Variants in PHIP observed in about 807,000 individuals in gnomAD.
PHIP encodes PH-interacting protein.
A neutral mutation model predicts 236.8 loss-of-function variants in PHIP; 54 were observed. The observed-to-expected ratio is 0.23, with a 90% CI of 0.18 to 0.29. PHIP has a LOEUF of 0.29. Ranked by LOEUF, PHIP falls within the 10% of genes least tolerant of loss-of-function variation. PHIP has a pLI of 1.00. For synonymous variants in PHIP, 756 were observed against 718.9 expected (o/e 1.05, Z -0.83); for missense variants, 1,370 against 2,190.8 (o/e 0.63, Z 7.48).
chr6:79,073,482 A>C (rs565277851), intron 4 of PHIP, among the ~76,000 whole-genome samples: 8 of 152,312 alleles, frequency 5.3e-5, no homozygotes, highest in South Asian at 4.1e-4. Context: ...ACCCAACCCC[A>C]AAAAATTATA....
chr6:79,073,034 C>CGATTTT (rs1421351525), intron 4 of PHIP, among the ~76,000 whole-genome samples: 1 of 152,144 alleles, frequency 6.6e-6, no homozygotes, highest in Non-Finnish European at 1.5e-5. Context: ...GGAAAACAGA[C>CGATTTT]TCCCTCAATA....
At chr6:79,021,274 G>C (rs904014214) in intron 9 of PHIP, among the ~76,000 whole-genome samples, 1 of 152,194 alleles carries the variant, frequency 6.6e-6, no homozygotes, top group East Asian at 1.9e-4. Flanking sequence ...AGCCTCCCAA[G>C]TAGCTGGGAT....
Position 78,963,271 on chromosome 6 carries a change from T to A in PHIP, c.3380-19A>T, listed in dbSNP as rs757957897. ...AATACAGCTGAAATAGAAAAGCAGA[T>A]CATTGCAAATACATGGTAACTTATT... On this transcript the variant is annotated intron_variant, in intron 29 of 39. Transcript: ENST00000275034. The A allele has an allele frequency of 1.5e-5, 24 of 1,586,264 alleles. No homozygotes were observed. The highest frequency in any genetic ancestry group is 2.1e-5 in the Non-Finnish European group (24 of 1,167,816).
At chr6:78,960,061 G>T (rs1766676528) in intron 31 of PHIP, among the ~76,000 whole-genome samples, 1 of 152,078 alleles carries the variant, frequency 6.6e-6, no homozygotes, top group African/African-American at 2.4e-5. Flanking sequence ...GTAGCTCACT[G>T]ACATCGCTCA....
chr6:78,943,776 C>T (rs1183982801), intron 39 of PHIP, among the ~76,000 whole-genome samples: 1 of 151,646 alleles, frequency 6.6e-6, no homozygotes, highest in African/African-American at 2.4e-5. Flanking sequence ...CACCAGAGGC[C>T]AGAAGTTTGA....
rs1233341685 is a variant in PHIP, at chr6:79,042,982, T to C, written c.461A>G (p.Lys154Arg). 10 of 1,609,214 alleles carry C rather than the reference T, an allele frequency of 6.2e-6. No individual in the cohort carries two copies. The highest frequency in any genetic ancestry group is 1.3e-5 in the African/African-American group (1 of 74,694). The change falls in exon 7 of 40, where the codon AAG (lysine) becomes AGG (arginine). Residue 154 changes from lysine (K) to arginine (R), a missense_variant. By Grantham distance (26) the Lys-to-Arg change is conservative. Around this residue, in one of 14 missense-constraint regions of PHIP, gnomAD observed 82 missense variants for 203.2 expected, o/e 0.40. Transcript: ENST00000275034. Reference protein sequence around the residue: ...PSIADTLFSRKLNGKYRLERL... With the variant: ...PSIADTLFSRRLNGKYRLERL... Reference sequence around the variant, plus strand: ...CTCAAGTCTGTATTTCCCATTCAGCTTCCTTGAAAACAGAGTATCCGCTAC... The same window carrying C: ...CTCAAGTCTGTATTTCCCATTCAGCCTCCTTGAAAACAGAGTATCCGCTAC...
chr6:78,940,091 G>C lies in PHIP; in HGVS notation c.*602C>G, dbSNP rs994968282. ...CATTTTCTCTTGTTTGGCAGAAATG[G>C]AATAAAGCAAAAGCCTCCTCTAGAT... is the stretch of plus-strand genomic sequence containing the variant. On this transcript the variant is annotated 3_prime_UTR_variant, in exon 40 of 40. Transcript: ENST00000275034. The C allele has an allele frequency of 6.6e-6, 1 of 152,216 alleles. No homozygotes were observed. The highest frequency in any genetic ancestry group is 2.1e-4 in the South Asian group (1 of 4,816). 9.4% of individuals were successfully genotyped at this position (152,216 alleles called of 1,614,324 possible). A position where few individuals can be genotyped will look rare whatever the true frequency, so the allele number is the denominator to read the frequency against.
At chr6:79,046,733 T>G (rs554181928) in intron 6 of PHIP, among the ~76,000 whole-genome samples, 1 of 151,714 alleles carries the variant, frequency 6.6e-6, no homozygotes, top group African/African-American at 2.4e-5. Flanking sequence ...AAAAATTAGC[T>G]GGTGTGGCGG....
At chr6:79,024,784 G>A (rs1239067654) in intron 9 of PHIP, among the ~76,000 whole-genome samples, 2 of 152,232 alleles carry the variant, frequency 1.3e-5, no homozygotes, top group South Asian at 2.1e-4. Context: ...CAGCCTGGGC[G>A]ACACAGTGAG....
At chr6:78,943,376 T>C (rs948969013) in intron 39 of PHIP, among the ~76,000 whole-genome samples, 2 of 152,208 alleles carry the variant, frequency 1.3e-5, no homozygotes, top group African/African-American at 4.8e-5. Flanking sequence ...AGACCTCCGC[T>C]ATCATAATGC....
chr6:79,073,568 CT>C lies in PHIP; in HGVS notation c.189+3879del, dbSNP rs573207207. On this transcript the variant is annotated intron_variant, in intron 4 of 39. Transcript: ENST00000275034. ...ACTTCTAAAACATTTAATATGATAT[CT>C]TTTTTTTTTCCCTGAAAGTTGTCTC... is the stretch of plus-strand genomic sequence containing the variant. Among the ~76,000 whole-genome samples the C allele has an allele frequency of 4.5e-4, 67 of 149,590 alleles. No homozygotes were observed. In the South Asian group the frequency reaches 6.8e-3, roughly 15 times the overall value.
In PHIP at chr6:79,042,837, A is replaced by G; in HGVS notation, c.600+6T>C. ...GAATATAAATAATACTTTAGCAATT[A>G]CTTACAGTAAATATCCGTCTGCCAG... On this transcript the variant is annotated splice_donor_region_variant and intron_variant, in intron 7 of 39. Transcript: ENST00000275034. The G allele has an allele frequency of 6.3e-7, 1 of 1,578,310 alleles. No individual in the cohort carries two copies. Among genetic ancestry groups the G allele is most frequent in the South Asian group, 1.2e-5 (1 of 86,020 alleles).
chr6:79,024,200 A>G (rs552915340), intron 9 of PHIP, among the ~76,000 whole-genome samples: 1 of 152,348 alleles, frequency 6.6e-6, no homozygotes, highest in African/African-American at 2.4e-5. Flanking sequence ...GTTCATATAC[A>G]TGAAGTTAAA....
At chr6:78,950,652 T>A (rs1257924010) in intron 35 of PHIP, among the ~76,000 whole-genome samples, 2 of 152,194 alleles carry the variant, frequency 1.3e-5, no homozygotes, top group Non-Finnish European at 2.9e-5. Flanking sequence ...ATTTTTACTT[T>A]ATTATCCTTC....
intron 19 of PHIP, among the ~76,000 whole-genome samples, chr6:78,995,447 G>C (rs894416809): frequency 6.6e-6 from 1 of 152,130 alleles, no homozygotes; most frequent in Non-Finnish European, 1.5e-5. Flanking sequence ...GTGCAAAACT[G>C]TTTCCCAAAA....
At chr6:79,004,414 C>G (rs1233635121) in intron 15 of PHIP, 1 of 985,038 alleles carries the variant, frequency 1.0e-6, no homozygotes, top group Non-Finnish European at 1.2e-6. Context: ...TAATCCAGAA[C>G]GAATGGGTTT....
At chr6:79,068,096 G>GC (rs1339323194) in intron 4 of PHIP, 1 of 154,506 alleles carries the variant, frequency 6.5e-6, no homozygotes, top group Non-Finnish European at 1.5e-5. Flanking sequence ...GGATCTGGAA[G>GC]CTGCTGCATT....
intron 31 of PHIP, among the ~76,000 whole-genome samples, chr6:78,960,777 C>T (rs1264913171): frequency 1.3e-5 from 2 of 151,978 alleles, no homozygotes; most frequent in Admixed American, 6.6e-5. Flanking sequence ...CTAGTGGGTA[C>T]AGGCACAGGA....
intron 23 of PHIP, among the ~76,000 whole-genome samples, chr6:78,979,583 CTT>C (rs1768368200): frequency 6.6e-6 from 1 of 152,048 alleles, no homozygotes. Context: ...AGTTCCTTAA[CTT>C]TGCTGGTCAC....
Sources: gnomAD v4.1 joint callset for allele counts (sites outside exome capture counted in the v4.1 genomes callset) on GRCh38, gnomAD v4.1.1 for gene constraint, gnomAD v4.1.1 regional missense constraint, MANE v1.5 for transcripts, NCBI Gene and HGNC (gene_info 2026-07-23, HGNC 2026-07-21) for gene names.